The following KCNA7 variants were observed in gnomAD, a reference collection of about 807,000 sequenced individuals.
KCNA7 encodes potassium channel, voltage gated shaker related subfamily A, member 7.
A neutral mutation model predicts 21.5 loss-of-function variants in KCNA7; 15 were observed. That is an observed-to-expected ratio of 0.70 (90% CI 0.47 to 1.07). The LOEUF (loss-of-function observed/expected upper bound fraction) is 1.07, where lower values mean the gene tolerates loss of function less well. Among genes scored for constraint, KCNA7 ranks in the 50% least tolerant of loss-of-function variants. KCNA7 has a pLI of 0.00. For missense variants in KCNA7, 640 were observed against 651.6 expected (o/e 0.98, Z 0.19); for synonymous variants, 298 against 291.0 (o/e 1.02, Z -0.24).
Position 49,070,711 on chromosome 19 carries a change from C to T in KCNA7, c.723G>A (p.Val241=), listed in dbSNP as rs1447362199. The T allele has an allele frequency of 6.2e-7, 1 of 1,614,096 alleles. No homozygotes were observed. Among genetic ancestry groups the T allele is most frequent in the African/African-American group, 1.3e-5 (1 of 74,928 alleles). The change falls in exon 2 of 2, where the codon GTG becomes GTA. Residue 241 remains valine (V), a synonymous_variant. Transcript: ENST00000221444. The surrounding 1 kb of genome is among the most constrained non-coding windows in gnomAD (Gnocchi z 4.3). The stretch of plus-strand genomic sequence containing the variant: ...TAGCCACAAAATCGATGAGGTTCAT[C>T]ACGTTCTTGAAGAAGATAGCCTTGC... The part of the protein sequence containing the change: ...CPSKAIFFKN[V]MNLIDFVAIL...
Position 49,067,741 on chromosome 19 carries a change from C to T in KCNA7, c.*2322G>A, listed in dbSNP as rs775221604. ...CTGCTCTGAGACTCAGGTTTCTCCCCTGGAAAACAGAGTGAGGCCCCCAGC... is the reference window on the plus strand; with the variant it reads ...CTGCTCTGAGACTCAGGTTTCTCCCTTGGAAAACAGAGTGAGGCCCCCAGC... On this transcript the variant is annotated 3_prime_UTR_variant, in exon 2 of 2. Transcript: ENST00000221444. The T allele has an allele frequency of 6.6e-6, 1 of 152,156 alleles. No individual in the cohort carries two copies. The highest frequency in any genetic ancestry group is 1.5e-5 in the Non-Finnish European group (1 of 68,066). 9.4% of individuals were successfully genotyped at this position (152,156 alleles called of 1,614,324 possible). A position where few individuals can be genotyped will look rare whatever the true frequency, so the allele number is the denominator to read the frequency against.
Position 49,067,863 on chromosome 19 carries a change from G to C in KCNA7, c.*2200C>G, listed in dbSNP as rs557968894. 1.3e-5 allele frequency: 2 copies of C among 152,442 alleles called. No individual in the cohort carries two copies. Among genetic ancestry groups the C allele is most frequent in the Admixed American group, 6.5e-5 (1 of 15,276 alleles). 9.4% of individuals were successfully genotyped at this position (152,442 alleles called of 1,614,324 possible). A position where few individuals can be genotyped will look rare whatever the true frequency, so the allele number is the denominator to read the frequency against. ...ATGGAATAGACTGTACATCACTCTT[G>C]GGTTCAGGGGCACCAACTTTTTCTG... is the stretch of plus-strand genomic sequence containing the variant. On this transcript the variant is annotated 3_prime_UTR_variant, in exon 2 of 2. Transcript: ENST00000221444.
chr19:49,070,473 T>A lies in KCNA7; in HGVS notation c.961A>T (p.Ile321Phe), dbSNP rs2040249006. The A allele has an allele frequency of 6.2e-7, 1 of 1,613,954 alleles. No homozygotes were observed. Among genetic ancestry groups the A allele is most frequent in the Non-Finnish European group, 8.5e-7 (1 of 1,179,964 alleles). Residue 321 changes from isoleucine to phenylalanine, a missense_variant, in exon 2 of 2, where the codon ATC becomes TTC. Transcript: ENST00000221444. This position sits in a 1 kb window ranked among gnomAD's most constrained non-coding sequence, Gnocchi z 4.3. Reference sequence around the variant, plus strand: ...GCGCTGGAAAAGAGGACCACACCGATGAAGAGGAAAAAGATGAGGAGGCCC... The same window carrying A: ...GCGCTGGAAAAGAGGACCACACCGAAGAAGAGGAAAAAGATGAGGAGGCCC... ...ELGLLIFFLF[I>F]GVVLFSSAVY...
chr19:49,070,008 G>T lies in KCNA7; in HGVS notation c.*55C>A. The T allele has an allele frequency of 2.2e-6, 3 of 1,371,290 alleles. No homozygotes were observed. Among genetic ancestry groups the T allele is most frequent in the Non-Finnish European group, 3.0e-6 (3 of 991,928 alleles). The allele number at this position is 1,371,290 out of a possible 1,614,324, so 84.9% of individuals were successfully genotyped here. A position where few individuals can be genotyped will look rare whatever the true frequency, so the allele number is the denominator to read the frequency against. ...TCCCCCCAGCCTTGCCCTCCACCCT[G>T]CCCTCCCTCCCTCCCTCTAGGGAGG... On this transcript the variant is annotated 3_prime_UTR_variant, in exon 2 of 2. Transcript: ENST00000221444. The surrounding 1 kb of genome is among the most constrained non-coding windows in gnomAD (Gnocchi z 4.3).
At chr19:49,071,064 C>T (rs2040254562) in intron 1 of KCNA7, among the ~76,000 whole-genome samples, 186 bp from the exon 2 acceptor site, 1 of 152,184 alleles carries the variant, frequency 6.6e-6, no homozygotes, top group South Asian at 2.1e-4. Flanking sequence ...GGGCCGCTGA[C>T]TTTCTGGTTG....
Position 49,072,184 on chromosome 19 carries a change from C to T in KCNA7, c.402G>A (p.Glu134=), listed in dbSNP as rs775130529. The T allele has an allele frequency of 1.9e-6, 3 of 1,611,524 alleles. No individual in the cohort carries two copies. The highest frequency in any genetic ancestry group is 2.5e-6 in the Non-Finnish European group (3 of 1,179,472). The change falls in exon 1 of 2, where the codon GAG becomes GAA. Residue 134 remains glutamate (E), a synonymous_variant. Coordinates refer to ENST00000221444, the MANE Select transcript of KCNA7 (RefSeq NM_031886.3). ...GCGCGGCCTGAGAGCTCTCGGGAAA[C>T]TCGAAAAGCAGCCACAGCTGGCGGG... The part of the protein sequence containing the change: ...AFARQLWLLF[E]FPESSQAARV...
rs117399970 is a variant in KCNA7, at chr19:49,069,988, C to A, written c.*75G>T. 23 of 1,204,150 alleles carry A rather than the reference C, an allele frequency of 1.9e-5. No homozygotes were observed. The highest frequency in any genetic ancestry group is 3.1e-5 in the African/African-American group (2 of 65,390). 74.6% of individuals were successfully genotyped at this position (1,204,150 alleles called of 1,614,324 possible). A position where few individuals can be genotyped will look rare whatever the true frequency, so the allele number is the denominator to read the frequency against. On this transcript the variant is annotated 3_prime_UTR_variant, in exon 2 of 2. Coordinates refer to ENST00000221444, the MANE Select transcript of KCNA7 (RefSeq NM_031886.3). ...TCTTCCTAAACCCAATCCCCTCCCC[C>A]CAGCCTTGCCCTCCACCCTGCCCTC...
In KCNA7 at chr19:49,068,446, G is replaced by A. The variant is rs1000462682; in HGVS notation, c.*1617C>T. 1 of 152,260 alleles carries A rather than the reference G, an allele frequency of 6.6e-6. No homozygotes were observed. The highest frequency in any genetic ancestry group is 2.4e-5 in the African/African-American group (1 of 41,404). 9.4% of individuals were successfully genotyped at this position (152,260 alleles called of 1,614,324 possible). A position where few individuals can be genotyped will look rare whatever the true frequency, so the allele number is the denominator to read the frequency against. The stretch of plus-strand genomic sequence containing the variant: ...TTCTGCCTCAGCTTCCTGAGTAGCT[G>A]GGATCACAGGCATGTGCCACCACAC... On this transcript the variant is annotated 3_prime_UTR_variant, in exon 2 of 2. Coordinates refer to ENST00000221444, the MANE Select transcript of KCNA7 (RefSeq NM_031886.3).
rs1254458839 is a variant in KCNA7 at position 49,072,078 on chromosome 19, C to T, written c.508G>A (p.Asp170Asn). The T allele has an allele frequency of 1.9e-6, 3 of 1,610,970 alleles. No homozygotes were observed. Among genetic ancestry groups the T allele is most frequent in the East Asian group, 2.2e-5 (1 of 44,824 alleles). Reference protein sequence around the residue: ...FCLETLPDFRDDRDGTGLAAA... With the variant: ...FCLETLPDFRNDRDGTGLAAA... ...GCAAGCCCCGTGCCGTCGCGGTCGT[C>T]GCGGAAGTCAGGCAGCGTCTCGAGG... The change falls in exon 1 of 2, where the codon GAC becomes AAC. Residue 170 changes from aspartate to asparagine, a missense_variant. Transcript: ENST00000221444.
Position 49,070,078 on chromosome 19 carries a change from C to A in KCNA7, c.1356G>T (p.Leu452=). The change falls in exon 2 of 2, where the codon CTG becomes CTT. Residue 452 remains leucine (L), a synonymous_variant. Transcript: ENST00000221444. The surrounding 1 kb of genome is among the most constrained non-coding windows in gnomAD (Gnocchi z 4.3). ...PPLWAPPGKH[L]VTEV is the part of the protein sequence containing the mutation. ...CAACTGTTCCTCACACTTCGGTGAC[C>A]AGGTGTTTCCCTGGGGGTGCCCAGA... The A allele has an allele frequency of 1.2e-6, 2 of 1,606,790 alleles. No individual in the cohort carries two copies. The highest frequency in any genetic ancestry group is 8.5e-7 in the Non-Finnish European group (1 of 1,175,090).
rs539612602 is a variant in KCNA7 at position 49,070,953 on chromosome 19, T to C, written c.556-75A>G. ...GGGACAGCCTTAATCATCATTTAAA[T>C]ACCCAGCTCCTCTTTACACATTGGT... On this transcript the variant is annotated intron_variant, in intron 1 of 1. Coordinates refer to ENST00000221444, the MANE Select transcript of KCNA7 (RefSeq NM_031886.3). The surrounding 1 kb of genome is among the most constrained non-coding windows in gnomAD (Gnocchi z 4.3). The C allele has an allele frequency of 1.8e-5, 23 of 1,268,902 alleles. No individual in the cohort carries two copies. In the South Asian group the frequency reaches 3.1e-4, roughly 17 times the overall value. The allele number at this position is 1,268,902 out of a possible 1,614,324, so 78.6% of individuals were successfully genotyped here.
At position 49,070,238 on chromosome 19, in the gene KCNA7, T is replaced by C; in HGVS notation, c.1196A>G (p.Tyr399Cys). ...PVPVIVSNFS[Y>C]FYHRETEGEE... ...GCCCTCTGTCTCCCGGTGATAAAAGTAGCTGAAATTGGAGACAATGACGGG... is the reference window on the plus strand; with the variant it reads ...GCCCTCTGTCTCCCGGTGATAAAAGCAGCTGAAATTGGAGACAATGACGGG... Residue 399 changes from tyrosine (Y) to cysteine (C), a missense_variant, in exon 2 of 2, where the codon TAC (tyrosine) becomes TGC (cysteine). By Grantham distance (194) the Tyr-to-Cys change is radical. Coordinates refer to ENST00000221444, the MANE Select transcript of KCNA7 (RefSeq NM_031886.3). This position sits in a 1 kb window ranked among gnomAD's most constrained non-coding sequence, Gnocchi z 4.3. 3.1e-6 allele frequency: 5 copies of C among 1,614,172 alleles called. No individual in the cohort carries two copies. Among genetic ancestry groups the C allele is most frequent in the Non-Finnish European group, 4.2e-6 (5 of 1,180,034 alleles).
rs2040247978 is a variant in KCNA7 at position 49,070,338 on chromosome 19, G to A, written c.1096C>T (p.Pro366Ser). ...MTTVGYGDMA[P>S]VTVGGKIVGS... ...ACTATCTTGCCACCCACAGTGACGG[G>A]TGCCATGTCTCCATAGCCAACTGTA... The change falls in exon 2 of 2, where the codon CCC becomes TCC. Residue 366 changes from proline to serine, a missense_variant. Pro to Ser is a moderately conservative substitution (Grantham distance 74, BLOSUM62 -1). Coordinates refer to ENST00000221444, the MANE Select transcript of KCNA7 (RefSeq NM_031886.3). The surrounding 1 kb of genome is among the most constrained non-coding windows in gnomAD (Gnocchi z 4.3). The A allele has an allele frequency of 6.2e-7, 1 of 1,614,172 alleles. No homozygotes were observed. The highest frequency in any genetic ancestry group is 1.6e-4 in the Middle Eastern group (1 of 6,062).
In KCNA7 at chr19:49,072,272, CGTGCCAGG is replaced by C; in HGVS notation, c.306_313del (p.Leu103ProfsTer62). On this transcript the variant is annotated frameshift_variant, in exon 1 of 2. Coordinates refer to ENST00000221444, the MANE Select transcript of KCNA7 (RefSeq NM_031886.3). LOFTEE classifies it high-confidence loss of function. ...CGGGCAGCCCTCGTCCTCGCGCAGGCGTGCCAGGGCCGCCGCGCCCAGCCCGTAGAAGG... is the reference window on the plus strand; with the variant it reads ...CGGGCAGCCCTCGTCCTCGCGCAGGCGCCGCCGCGCCCAGCCCGTAGAAGG... 6.3e-7 allele frequency: 1 copy of C among 1,579,756 alleles called. No homozygotes were observed.
chr19:49,070,599 C>T lies in KCNA7; in HGVS notation c.835G>A (p.Val279Ile). ...QQAMSLAILR[V>I]IRLVRVFRIF... ...CGGAAGACACGCACCAATCGGATGACTCTCAGGATGGCCAGTGACATGGCC... is the reference window on the plus strand; with the variant it reads ...CGGAAGACACGCACCAATCGGATGATTCTCAGGATGGCCAGTGACATGGCC... Residue 279 changes from valine (V) to isoleucine (I), a missense_variant, in exon 2 of 2, where the codon GTC (valine) becomes ATC (isoleucine). By Grantham distance (29) the Val-to-Ile change is conservative. Transcript: ENST00000221444. This position sits in a 1 kb window ranked among gnomAD's most constrained non-coding sequence, Gnocchi z 4.3. The T allele has an allele frequency of 6.2e-7, 1 of 1,614,210 alleles. No homozygotes were observed. The highest frequency in any genetic ancestry group is 1.1e-5 in the South Asian group (1 of 91,088).
Position 49,070,627 on chromosome 19 carries a change from C to T in KCNA7, c.807G>A (p.Gln269=), listed in dbSNP as rs1040914582. Residue 269 remains glutamine (Q), a synonymous_variant, in exon 2 of 2, where the codon CAG becomes CAA. Coordinates refer to ENST00000221444, the MANE Select transcript of KCNA7 (RefSeq NM_031886.3). The surrounding 1 kb of genome is among the most constrained non-coding windows in gnomAD (Gnocchi z 4.3). ...TCAGGATGGCCAGTGACATGGCCTG[C>T]TGGCCCACCCCTCGCTGCCGGGCCA... ...TELARQRGVG[Q]QAMSLAILRV... The T allele has an allele frequency of 1.9e-6, 3 of 1,614,208 alleles. No individual in the cohort carries two copies. The highest frequency in any genetic ancestry group is 2.5e-6 in the Non-Finnish European group (3 of 1,180,038).
chr19:49,072,623 G>A lies in KCNA7; in HGVS notation c.-38C>T. The A allele has an allele frequency of 8.8e-7, 1 of 1,135,876 alleles. No individual in the cohort carries two copies. Among genetic ancestry groups the A allele is most frequent in the South Asian group, 4.2e-5 (1 of 23,656 alleles). 70.4% of individuals were successfully genotyped at this position (1,135,876 alleles called of 1,614,324 possible). ...CCCGGCGACCCGCGAACCGACGTGT[G>A]GCCCCGACGCCCGGCCCCGGTGCGG... On this transcript the variant is annotated 5_prime_UTR_variant, in exon 1 of 2. Coordinates refer to ENST00000221444, the MANE Select transcript of KCNA7 (RefSeq NM_031886.3).
chr19:49,069,884 C>A lies in KCNA7; in HGVS notation c.*179G>T. 1.7e-6 allele frequency: 1 copy of A among 590,212 alleles called. No homozygotes were observed. Among genetic ancestry groups the A allele is most frequent in the South Asian group, 2.1e-5 (1 of 47,266 alleles). 36.6% of individuals were successfully genotyped at this position (590,212 alleles called of 1,614,324 possible). ...CCATTCGCTGCTGCTTCAGGAGGTACCCACAGGAGCTACCAAACCACACAA... is the reference window on the plus strand; with the variant it reads ...CCATTCGCTGCTGCTTCAGGAGGTAACCACAGGAGCTACCAAACCACACAA... On this transcript the variant is annotated 3_prime_UTR_variant, in exon 2 of 2. Transcript: ENST00000221444.
chr19:49,071,027 C>T (rs1174060054), intron 1 of KCNA7, 149 bp from the exon 2 acceptor site: 1 of 687,250 alleles, frequency 1.5e-6, no homozygotes, highest in Non-Finnish European at 2.4e-6. Flanking sequence ...TCCCAGACTT[C>T]CTCCCAGGAT....
Sources: gnomAD v4.1 joint callset for allele counts (sites outside exome capture counted in the v4.1 genomes callset) on GRCh38, gnomAD v4.1.1 for gene constraint, Gnocchi (gnomAD v3.1) non-coding constraint, MANE v1.5 for transcripts, NCBI Gene and HGNC (gene_info 2026-07-23, HGNC 2026-07-21) for gene names.